Variants in ANKRD42 observed in about 807,000 individuals in gnomAD.
ANKRD42 encodes ankyrin repeat domain 42.
In ANKRD42, 43 loss-of-function variants were observed where a neutral mutation model predicts 51.5. The observed-to-expected ratio is 0.83, with a 90% confidence interval of 0.65 to 1.08. The LOEUF (loss-of-function observed/expected upper bound fraction) is 1.08. ANKRD42 is among the 50% of genes least tolerant of loss of function. The pLI is 0.00. For missense variants in ANKRD42, 608 were observed against 629.3 expected, an observed-to-expected ratio of 0.97 and a Z score of 0.36; for synonymous variants, 203 against 213.0, an observed-to-expected ratio of 0.95 and a Z score of 0.41.
At chr11:83,214,348 C>T in intron 5 of ANKRD42, 2 of 815,178 alleles carry the variant, frequency 2.5e-6, no homozygotes, top group Non-Finnish European at 3.0e-6. Flanking sequence ...CCTCCTAGAA[C>T]TGACTTTTCC....
intron 2 of ANKRD42, among the ~76,000 whole-genome samples, chr11:83,202,531 T>G (rs1037603848): frequency 6.6e-6 from 1 of 152,232 alleles, no homozygotes; most frequent in Non-Finnish European, 1.5e-5. Context: ...GTGAAGAAAG[T>G]CAATGGTAGC....
Position 83,199,647 on chromosome 11 carries a change from T to A in ANKRD42, c.222+1005T>A, listed in dbSNP as rs111598895. On this transcript the variant is annotated intron_variant, in intron 2 of 10. Transcript: ENST00000533342. ...GGCTAACTAGCACTTTTCTCATGAT[T>A]CAAGGTTATGTGTATGGGGGGCTTA... Among the ~76,000 whole-genome samples, 873 of 152,330 alleles carry A rather than the reference T, an allele frequency of 5.7e-3. 11 individuals carry two copies. The highest frequency in any genetic ancestry group is 0.02 in the African/African-American group (844 of 41,576).
At chr11:83,195,226 C>T (rs1209489963) in intron 1 of ANKRD42, among the ~76,000 whole-genome samples, 1 of 152,204 alleles carries the variant, frequency 6.6e-6, no homozygotes, top group Non-Finnish European at 1.5e-5. Context: ...GCCCTCAAAT[C>T]GGTTACTCAT....
At chr11:83,204,163 G>C (rs1267710101) in intron 2 of ANKRD42, among the ~76,000 whole-genome samples, 1 of 152,038 alleles carries the variant, frequency 6.6e-6, no homozygotes, top group Non-Finnish European at 1.5e-5. Context: ...GGATAGTCTT[G>C]AATTCCTGAC....
chr11:83,204,011 C>T (rs755430553), intron 2 of ANKRD42, among the ~76,000 whole-genome samples: 3 of 151,682 alleles, frequency 2.0e-5, no homozygotes, highest in Non-Finnish European at 4.4e-5. Context: ...GGCATGATCT[C>T]GGCTCACTGC....
intron 11 of ANKRD42, among the ~76,000 whole-genome samples, chr11:83,254,094 C>A (rs1006749188): frequency 6.6e-6 from 1 of 152,168 alleles, no homozygotes; most frequent in East Asian, 1.9e-4. Context: ...CCAGCCTCAG[C>A]CTCGTGAGTA....
At chr11:83,240,732 T>TG in intron 8 of ANKRD42, 27 bp from the exon 9 acceptor site, 2 of 1,611,834 alleles carry the variant, frequency 1.2e-6, no homozygotes, top group Non-Finnish European at 1.7e-6. Flanking sequence ...ATTGTGGATC[T>TG]GGTTAGTTAT....
intron 7 of ANKRD42, among the ~76,000 whole-genome samples, chr11:83,228,250 T>C (rs1308167418): frequency 1.9e-4 from 24 of 124,480 alleles, no homozygotes; most frequent in East Asian, 4.6e-4. Flanking sequence ...TTTTTTTTTT[T>C]TTTTTTTTTT....
intron 2 of ANKRD42, among the ~76,000 whole-genome samples, 181 bp downstream of exon 2, chr11:83,198,823 T>C (rs1248510070): frequency 6.6e-6 from 1 of 152,200 alleles, no homozygotes; most frequent in Non-Finnish European, 1.5e-5. Context: ...TCCTAAAATT[T>C]AGCATAATAA....
chr11:83,213,628 T>A, intron 5 of ANKRD42: 1 of 968,944 alleles, frequency 1.0e-6, no homozygotes, highest in Non-Finnish European at 1.3e-6. Flanking sequence ...TCCTGATGAC[T>A]AAAGATGTTG....
At chr11:83,257,310 A>C (rs527943493), downstream of ANKRD42, 1 of 455,986 alleles carries the variant, frequency 2.2e-6, no homozygotes, top group African/African-American at 2.0e-5. Context: ...ACAGATCTTC[A>C]GGGGGAGACA....
At chr11:83,210,986 A>G (rs1013196654) in intron 4 of ANKRD42, among the ~76,000 whole-genome samples, 55 of 152,234 alleles carry the variant, frequency 3.6e-4, no homozygotes, top group African/African-American at 1.3e-3. Context: ...TATATTCTCA[A>G]TGATAGTATT....
chr11:83,264,035 A>G (rs1341222682), downstream of ANKRD42, among the ~76,000 whole-genome samples: 2 of 152,114 alleles, frequency 1.3e-5, no homozygotes, highest in Non-Finnish European at 2.9e-5. Flanking sequence ...TTTGACCCCA[A>G]ATTTTAAATG....
At chr11:83,199,688 C>G (rs2135479172) in intron 2 of ANKRD42, among the ~76,000 whole-genome samples, 1 of 152,246 alleles carries the variant, frequency 6.6e-6, no homozygotes, top group East Asian at 1.9e-4. Context: ...GCTACATTTC[C>G]CCAGCCTATA....
intron 3 of ANKRD42, chr11:83,209,938 C>T: frequency 2.6e-6 from 1 of 379,742 alleles, no homozygotes; most frequent in Non-Finnish European, 4.8e-6. Flanking sequence ...GAGTTTGAGA[C>T]TGTGGCTGTT....
chr11:83,213,524 A>C, intron 5 of ANKRD42: 2 of 1,298,380 alleles, frequency 1.5e-6, no homozygotes, highest in African/African-American at 3.0e-5. Flanking sequence ...GACTGCTTTC[A>C]ATTTCCATTT....
intron 7 of ANKRD42, among the ~76,000 whole-genome samples, 182 bp from the exon 8 acceptor site, chr11:83,236,222 C>T (rs1863216655): frequency 6.6e-6 from 1 of 152,132 alleles, no homozygotes; most frequent in Non-Finnish European, 1.5e-5. Flanking sequence ...AAATGTTTGT[C>T]TAATGAATCA....
At chr11:83,198,308 A>T (rs1329913430) in intron 1 of ANKRD42, among the ~76,000 whole-genome samples, 171 bp from the exon 2 acceptor site, 2 of 152,166 alleles carry the variant, frequency 1.3e-5, no homozygotes, top group Non-Finnish European at 2.9e-5. Flanking sequence ...TGCTTTTTAC[A>T]TGTCAGTGTT....
chr11:83,243,967 C>CGTTTTTTTTT (rs1863466375), intron 9 of ANKRD42, among the ~76,000 whole-genome samples: 2 of 66,950 alleles, frequency 3.0e-5, no homozygotes, highest in African/African-American at 1.3e-4. Context: ...CCTGGCTGCC[C>CGTTTTTTTTT]TTTTTTTTTT....
Sources: allele counts gnomAD v4.1 joint callset (sites outside exome capture counted in the v4.1 genomes callset), GRCh38; gene constraint gnomAD v4.1.1; transcripts MANE v1.5; gene names NCBI Gene and HGNC (gene_info 2026-07-23, HGNC 2026-07-21).